Variants in JAKMIP3 observed in about 807,000 individuals in gnomAD.
JAKMIP3 encodes Janus kinase and microtubule interacting protein 3.
Under a neutral mutation model 118.5 loss-of-function variants are expected in JAKMIP3, and 58 were observed. That is an observed-to-expected ratio of 0.49 (90% CI 0.40 to 0.61). JAKMIP3 has a LOEUF of 0.61. Ranked by LOEUF, JAKMIP3 falls within the 20% of genes least tolerant of loss-of-function variation. JAKMIP3 has a pLI of 0.00. For missense variants in JAKMIP3, 950 were observed against 1,109.0 expected (o/e 0.86, Z 2.04); for synonymous variants, 486 against 451.2 (o/e 1.08, Z -0.98).
intron 19 of JAKMIP3, among the ~76,000 whole-genome samples, chr10:132,159,754 CT>C (rs1419881983): frequency 5.7e-5 from 3 of 52,276 alleles, no homozygotes; most frequent in Admixed American, 3.2e-4. Flanking sequence ...GGGGGGGCCT[CT>C]TCCTGTGTGA....
intron 4 of JAKMIP3, 90 bp from the exon 5 acceptor site, chr10:132,134,951 G>C (rs1241060743): frequency 5.3e-6 from 8 of 1,496,442 alleles, no homozygotes; most frequent in Non-Finnish European, 7.3e-6. Flanking sequence ...TCCCACGGCA[G>C]CGTTTTTGTT....
chr10:132,166,940 C>G (rs1316115129), intron 21 of JAKMIP3, 43 bp from the exon 22 acceptor site: 2 of 1,390,128 alleles, frequency 1.4e-6, no homozygotes, highest in East Asian at 5.0e-5. Context: ...TCTTTTTTCT[C>G]TTTCTTTCCT....
At chr10:132,139,912 G>T (rs2053135548) in intron 9 of JAKMIP3, among the ~76,000 whole-genome samples, 1 of 152,168 alleles carries the variant, frequency 6.6e-6, no homozygotes. Context: ...GGACCCAGAT[G>T]AGTCCCTCTT....
chr10:132,151,259 C>T (rs2056144639), intron 16 of JAKMIP3, among the ~76,000 whole-genome samples: 1 of 152,168 alleles, frequency 6.6e-6, no homozygotes, highest in African/African-American at 2.4e-5. Context: ...TCTTTCCATC[C>T]TTCATCCTTT....
chr10:132,158,727 G>T (rs111299130), intron 19 of JAKMIP3, among the ~76,000 whole-genome samples: 3,813 of 28,250 alleles, frequency 0.13, 110 homozygotes, highest in South Asian at 0.22. Flanking sequence ...GCATCTTCCT[G>T]TGTGATGCTG....
At chr10:132,083,800 C>T (rs1482720138) in intron 1 of JAKMIP3, among the ~76,000 whole-genome samples, 1 of 152,064 alleles carries the variant, frequency 6.6e-6, no homozygotes, top group Non-Finnish European at 1.5e-5. Flanking sequence ...CCTTTCTCCA[C>T]TTTGTTTTTG....
intron 23 of JAKMIP3, among the ~76,000 whole-genome samples, chr10:132,177,793 T>C (rs1395015953): frequency 6.8e-5 from 10 of 146,946 alleles, no homozygotes. Flanking sequence ...GTAGTGTGCG[T>C]GTGTGTGCAC....
At chr10:132,161,022 T>TG (rs1164641177) in intron 19 of JAKMIP3, among the ~76,000 whole-genome samples, 5 of 50,352 alleles carry the variant, frequency 9.9e-5, no homozygotes, top group African/African-American at 3.0e-4. Flanking sequence ...TGTGTGATGC[T>TG]GGGGGGGCCT....
intron 4 of JAKMIP3, 70 bp from the exon 5 acceptor site, chr10:132,134,971 T>C (rs2051449802): frequency 1.9e-6 from 3 of 1,581,840 alleles, no homozygotes; most frequent in African/African-American, 1.3e-5. Context: ...TCCCGTAGCG[T>C]GCTGGGATTT....
intron 1 of JAKMIP3, among the ~76,000 whole-genome samples, chr10:132,054,453 A>T (rs930765918): frequency 4.6e-5 from 7 of 152,164 alleles, no homozygotes; most frequent in African/African-American, 1.4e-4. Flanking sequence ...GGTGCAGGCC[A>T]ACATGGGAGG....
At chr10:132,142,419 G>A (rs1784023240) in intron 11 of JAKMIP3, among the ~76,000 whole-genome samples, 1 of 152,188 alleles carries the variant, frequency 6.6e-6, no homozygotes, top group Admixed American at 6.5e-5. Flanking sequence ...ATCGAGCTCG[G>A]TGTTGAAACT....
Position 132,114,767 on chromosome 10 carries a change from A to C in JAKMIP3, c.136-2310A>C, listed in dbSNP as rs561906774. On this transcript the variant is annotated intron_variant, in intron 2 of 23. Transcript: ENST00000684848. Reference sequence around the variant, plus strand: ...TCTTCCATTTATTTAAACGCTTTTAAATTTCTGTCAGTAACACCTAGTAGT... The same window carrying C: ...TCTTCCATTTATTTAAACGCTTTTACATTTCTGTCAGTAACACCTAGTAGT... Among the ~76,000 whole-genome samples the C allele has an allele frequency of 5.3e-5, 8 of 152,260 alleles. No individual in the cohort carries two copies. The East Asian group carries it at 9.6e-4, about 18-fold the overall frequency.
At chr10:132,054,450 G>A (rs945071104) in intron 1 of JAKMIP3, among the ~76,000 whole-genome samples, 2 of 152,176 alleles carry the variant, frequency 1.3e-5, no homozygotes, top group Admixed American at 1.3e-4. Context: ...AGGGGTGCAG[G>A]CCAACATGGG....
chr10:132,037,264 C>T (rs2037540314), intron 1 of JAKMIP3, among the ~76,000 whole-genome samples: 1 of 152,068 alleles, frequency 6.6e-6, no homozygotes, highest in African/African-American at 2.4e-5. Context: ...TGCGTGTACC[C>T]GCGACCTTGC....
intron 4 of JAKMIP3, among the ~76,000 whole-genome samples, chr10:132,134,412 C>T (rs535659387): frequency 2.0e-5 from 3 of 152,334 alleles, no homozygotes; most frequent in South Asian, 2.1e-4. Flanking sequence ...CCTGCTGGTG[C>T]GTGGTAGACT....
intron 2 of JAKMIP3, 39 bp downstream of exon 2, chr10:132,104,982 C>T (rs527334713): frequency 1.3e-5 from 20 of 1,559,410 alleles, no homozygotes; most frequent in East Asian, 7.2e-5. Context: ...AATGTCCCTC[C>T]CTCCTGCCTC....
chr10:132,124,834 G>A (rs996771854), intron 3 of JAKMIP3, among the ~76,000 whole-genome samples: 48 of 152,226 alleles, frequency 3.2e-4, no homozygotes, highest in Non-Finnish European at 1.5e-5. Flanking sequence ...TTCGGCTGGT[G>A]GGCAGAGCCC....
At chr10:132,095,270 A>G (rs1434145223) in intron 1 of JAKMIP3, among the ~76,000 whole-genome samples, 1 of 152,162 alleles carries the variant, frequency 6.6e-6, no homozygotes, top group South Asian at 2.1e-4. Flanking sequence ...AATTGTTACA[A>G]AGTTCAGCTG....
chr10:132,107,034 C>T (rs549256056), intron 2 of JAKMIP3, among the ~76,000 whole-genome samples: 5 of 150,386 alleles, frequency 3.3e-5, no homozygotes, highest in African/African-American at 4.9e-5. Flanking sequence ...CAGGTGTGCA[C>T]CACCATGTCC....
Sources: allele counts gnomAD v4.1 joint callset (sites outside exome capture counted in the v4.1 genomes callset), GRCh38; gene constraint gnomAD v4.1.1; transcripts MANE v1.5; gene names NCBI Gene and HGNC (gene_info 2026-07-23, HGNC 2026-07-21).